The following MBNL3 variants were observed in gnomAD, a reference collection of about 807,000 sequenced individuals.
MBNL3 encodes muscleblind-like protein 3.
MBNL3 carries 6 observed loss-of-function variants against 24.5 expected under a neutral mutation model. The ratio of observed to expected loss-of-function variants is 0.25; its 90% CI spans 0.13 to 0.48. The LOEUF (loss-of-function observed/expected upper bound fraction) is 0.48. Among genes scored for constraint, MBNL3 ranks in the 20% least tolerant of loss-of-function variants. The pLI is 0.99. For missense variants in MBNL3, 230 were observed against 293.5 expected (o/e 0.78, Z 1.58); for synonymous variants, 100 against 101.7 (o/e 0.98, Z 0.10).
chrX:132,424,668 C>A (rs1216113745), intron 2 of MBNL3, among the ~76,000 whole-genome samples: 3 of 111,205 alleles, frequency 2.7e-5, no homozygotes, highest in African/African-American at 9.8e-5. Flanking sequence ...GTTTTTGTTA[C>A]AAATACATTA....
At chrX:132,441,184 T>G (rs1941448204) in intron 1 of MBNL3, among the ~76,000 whole-genome samples, 1 of 112,329 alleles carries the variant, frequency 8.9e-6, no homozygotes, top group Middle Eastern at 4.2e-3. Flanking sequence ...TGTGTAACTT[T>G]GCCTTCTTAA....
At position 132,379,494 on chromosome X, in the gene MBNL3, T is replaced by TTAA. The variant is rs1270411308; in HGVS notation, c.*169_*171dup. On this transcript the variant is annotated 3_prime_UTR_variant, in exon 9 of 9. Coordinates refer to ENST00000370853, the MANE Select transcript of MBNL3 (RefSeq NM_001386889.1). The stretch of plus-strand genomic sequence containing the variant: ...GTTGTTTTAACATCTCCATTGATTT[T>TTAA]TAATGCTTTATTTTTTATTTGAATT... The TTAA allele has an allele frequency of 1.9e-5, 8 of 427,712 alleles. No homozygotes were observed. The Admixed American group carries it at 3.8e-4, about 20-fold the overall frequency. The allele number at this position is 427,712 out of a possible 1,213,427, so 35.2% of individuals were successfully genotyped here. A position where few individuals can be genotyped will look rare whatever the true frequency, so the allele number is the denominator to read the frequency against.
chrX:132,488,392 T>C (rs1322296408), intron 1 of MBNL3, among the ~76,000 whole-genome samples: 1 of 111,517 alleles, frequency 9.0e-6, no homozygotes, highest in Non-Finnish European at 1.9e-5. Flanking sequence ...GTTCCCTTTT[T>C]AATAGTCTCC....
At chrX:132,468,696 G>C (rs773479729) in intron 1 of MBNL3, among the ~76,000 whole-genome samples, 1 of 111,994 alleles carries the variant, frequency 8.9e-6, no homozygotes, top group Non-Finnish European at 1.9e-5. Flanking sequence ...AACTTGGTTC[G>C]AGATTATGCA....
upstream of MBNL3, chrX:132,489,866 C>G (rs1315861776): frequency 1.8e-5 from 2 of 111,557 alleles, no homozygotes; most frequent in Non-Finnish European, 1.9e-5. Flanking sequence ...AGGGCCGCCC[C>G]GGCTCCCGCG....
In MBNL3 at chrX:132,443,778, A is replaced by G. The variant is rs1332974970; in HGVS notation, c.-703-3464T>C. Among the ~76,000 whole-genome samples, 16 of 111,657 alleles carry G rather than the reference A, an allele frequency of 1.4e-4. No individual in the cohort carries two copies. The Admixed American group carries it at 1.5e-3, about 11-fold the overall frequency. ...AACGCACACTCAAACACTACTGCAT[A>G]GAAGTTAAGTCATCAAGAGGAATAC... On this transcript the variant is annotated intron_variant, in intron 1 of 8. Transcript: ENST00000370853.
At chrX:132,384,840 G>A (rs890858089) in intron 6 of MBNL3, 142 bp from the exon 7 acceptor site, 3 of 434,899 alleles carry the variant, frequency 6.9e-6, no homozygotes, top group Non-Finnish European at 7.1e-6. Context: ...AATCTCCCAT[G>A]TTTACAATTA....
chrX:132,419,654 C>T (rs769427908), intron 2 of MBNL3, among the ~76,000 whole-genome samples: 2 of 111,245 alleles, frequency 1.8e-5, no homozygotes, highest in South Asian at 7.8e-4. Flanking sequence ...GTTAAATGAC[C>T]GTAAAGTAGA....
In MBNL3 at chrX:132,376,980, G is replaced by A. The variant is rs537504856; in HGVS notation, c.*2686C>T. ...CACGGAACCTTTTACTTTAAGGTAA[G>A]TCATTGTTAATGTCTTCCAGTGCTT... On this transcript the variant is annotated 3_prime_UTR_variant, in exon 9 of 9. Coordinates refer to ENST00000370853, the MANE Select transcript of MBNL3 (RefSeq NM_001386889.1). 73 of 111,611 alleles carry A rather than the reference G, an allele frequency of 6.5e-4. No individual in the cohort carries two copies. Among genetic ancestry groups the A allele is most frequent in the African/African-American group, 2.3e-3 (70 of 30,774 alleles). 9.2% of individuals were successfully genotyped at this position (111,611 alleles called of 1,213,427 possible).
intron 8 of MBNL3, among the ~76,000 whole-genome samples, chrX:132,380,639 G>C (rs1836399769): frequency 9.0e-6 from 1 of 111,247 alleles, no homozygotes; most frequent in Admixed American, 9.6e-5. Context: ...CACACTCCAG[G>C]TGTGAGAACT....
intron 1 of MBNL3, among the ~76,000 whole-genome samples, chrX:132,484,810 C>G (rs1947915219): frequency 9.0e-6 from 1 of 111,162 alleles, no homozygotes; most frequent in South Asian, 3.8e-4. Flanking sequence ...CATGAGCCAA[C>G]TTAATACTGA....
rs889131214 is a variant in MBNL3 at position 132,369,819 on chromosome X, T to C, written c.*9847A>G. 2 of 112,407 alleles carry C rather than the reference T, an allele frequency of 1.8e-5. No homozygotes were observed. The highest frequency in any genetic ancestry group is 6.5e-5 in the African/African-American group (2 of 30,907). 9.3% of individuals were successfully genotyped at this position (112,407 alleles called of 1,213,427 possible). A position where few individuals can be genotyped will look rare whatever the true frequency, so the allele number is the denominator to read the frequency against. On this transcript the variant is annotated 3_prime_UTR_variant, in exon 9 of 9. Transcript: ENST00000370853. ...CAGGAAAACTGGATTTGTGTGTCTA[T>C]GTCTGTTGCACTTTGCACCGGATGC...
intron 2 of MBNL3, chrX:132,411,449 G>A (rs1942726607): frequency 9.4e-6 from 7 of 748,411 alleles, no homozygotes; most frequent in African/African-American, 2.3e-5. Flanking sequence ...GATGGAAACA[G>A]TTTAGGGCTG....
chrX:132,436,146 T>C (rs1249837626), intron 2 of MBNL3, among the ~76,000 whole-genome samples: 3 of 111,945 alleles, frequency 2.7e-5, no homozygotes, highest in Admixed American at 1.9e-4. Flanking sequence ...TGAAGAAAAC[T>C]TTGGAGACAG....
In MBNL3 at chrX:132,480,388, A is replaced by G. The variant is rs139156240; in HGVS notation, c.-704+8463T>C. ...GTTATTCAACCAATTAGGAAACTCA[A>G]TCATGTGATATTAAAGGTTTTCAAG... On this transcript the variant is annotated intron_variant, in intron 1 of 8. Coordinates refer to ENST00000370853, the MANE Select transcript of MBNL3 (RefSeq NM_001386889.1). 3.4e-4 allele frequency among the ~76,000 whole-genome samples: 38 copies of G among 112,055 alleles called. No individual in the cohort carries two copies. In the East Asian group the frequency reaches 4.5e-3, roughly 13 times the overall value.
intron 1 of MBNL3, among the ~76,000 whole-genome samples, chrX:132,451,106 C>T (rs917339038): frequency 8.9e-6 from 1 of 112,354 alleles, no homozygotes; most frequent in African/African-American, 3.2e-5. Flanking sequence ...TGTCTGTCAA[C>T]CCCTGCTGGG....
Position 132,451,489 on chromosome X carries a change from A to G in MBNL3, c.-703-11175T>C. Among the ~76,000 whole-genome samples, 2 of 111,636 alleles carry G rather than the reference A, an allele frequency of 1.8e-5. 1 individual carries two copies. Among genetic ancestry groups the G allele is most frequent in the Middle Eastern group, 9.2e-3 (2 of 217 alleles). On this transcript the variant is annotated intron_variant, in intron 1 of 8. Transcript: ENST00000370853. ...CGCTGTGGGGAAAAACTGCCTACTC[A>G]AGCCTCAGTAATGGTGGACACCCCT...
chrX:132,424,735 CTTCT>C (rs770443113), intron 2 of MBNL3, among the ~76,000 whole-genome samples: 2 of 109,525 alleles, frequency 1.8e-5, no homozygotes, highest in Admixed American at 9.7e-5. Context: ...TGTCTCTTAA[CTTCT>C]TTCTTTCTTC....
In MBNL3 at chrX:132,447,156, A is replaced by G. The variant is rs528268421; in HGVS notation, c.-703-6842T>C. ...GTACCATGCTGTTTTGGTTACTGTAACCTTGTAGTATAGTTTGAAGTCAGG... is the reference window on the plus strand; with the variant it reads ...GTACCATGCTGTTTTGGTTACTGTAGCCTTGTAGTATAGTTTGAAGTCAGG... On this transcript the variant is annotated intron_variant, in intron 1 of 8. Transcript: ENST00000370853. 1.8e-4 allele frequency among the ~76,000 whole-genome samples: 20 copies of G among 111,445 alleles called. No individual in the cohort carries two copies. The South Asian group carries it at 7.2e-3, about 40-fold the overall frequency.
Sources: gnomAD v4.1 joint callset for allele counts (sites outside exome capture counted in the v4.1 genomes callset) on GRCh38, gnomAD v4.1.1 for gene constraint, MANE v1.5 for transcripts, NCBI Gene and HGNC (gene_info 2026-07-23, HGNC 2026-07-21) for gene names.